The following NUCB2 variants were observed in gnomAD, a reference collection of about 807,000 sequenced individuals.
NUCB2 encodes nucleobindin 2, also known as nucleobindin-2.
In NUCB2, 48 loss-of-function variants were observed where a neutral mutation model predicts 57.9. That is an observed-to-expected ratio of 0.83 (90% CI 0.66 to 1.05). The LOEUF is 1.05. NUCB2 is among the 50% of genes least tolerant of loss of function. NUCB2 has a pLI of 0.00. For synonymous variants in NUCB2, 139 were observed against 152.1 expected, an observed-to-expected ratio of 0.91 and a Z score of 0.64; for missense variants, 442 against 476.2, an observed-to-expected ratio of 0.93 and a Z score of 0.67.
chr11:17,307,197 C>T (rs570505874), intron 5 of NUCB2, among the ~76,000 whole-genome samples: 57 of 152,234 alleles, frequency 3.7e-4, no homozygotes, highest in African/African-American at 1.3e-3. Context: ...AGCCACTGTG[C>T]CTGGCCCATT....
chr11:17,306,269 T>C (rs1339857011), intron 5 of NUCB2, among the ~76,000 whole-genome samples: 1 of 152,146 alleles, frequency 6.6e-6, no homozygotes, highest in African/African-American at 2.4e-5. Flanking sequence ...GGAATAGTGG[T>C]TCTAAAACTT....
intron 2 of NUCB2, among the ~76,000 whole-genome samples, chr11:17,340,398 G>T (rs1452206174): frequency 2.0e-5 from 3 of 152,092 alleles, no homozygotes; most frequent in Non-Finnish European, 4.4e-5. Context: ...CATTGCTTTT[G>T]GTGTTTTAGA....
At chr11:17,301,895 T>C in intron 5 of NUCB2, 25 bp downstream of exon 5, 1 of 1,479,860 alleles carries the variant, frequency 6.8e-7, no homozygotes, top group Non-Finnish European at 9.2e-7. Context: ...AAAGGTAGGA[T>C]TTTTTTTTTC....
At chr11:17,324,916 C>T (rs989919923) in intron 11 of NUCB2, among the ~76,000 whole-genome samples, 6 of 152,076 alleles carry the variant, frequency 3.9e-5, no homozygotes, top group Non-Finnish European at 5.9e-5. Flanking sequence ...ATTCTCCTGC[C>T]TCAGCCTCCT....
At chr11:17,301,068 G>A (rs1223037059) in intron 4 of NUCB2, among the ~76,000 whole-genome samples, 1 of 150,468 alleles carries the variant, frequency 6.6e-6, no homozygotes, top group Admixed American at 6.6e-5. Context: ...CGCCTCCTGG[G>A]TTCAAGCAAT....
intron 1 of NUCB2, among the ~76,000 whole-genome samples, chr11:17,277,503 GAAGGA>G (rs1941577895): frequency 6.6e-6 from 1 of 152,102 alleles, no homozygotes; most frequent in African/African-American, 2.4e-5. Flanking sequence ...GGGAGGGAAA[GAAGGA>G]GAGAGAGAGA....
chr11:17,330,885 C>A lies in NUCB2; in HGVS notation c.1174-17C>A, dbSNP rs745434543. On this transcript the variant is annotated splice_polypyrimidine_tract_variant and intron_variant, in intron 12 of 13. Transcript: ENST00000529010. The surrounding 1 kb of genome is among the most constrained non-coding windows in gnomAD (Gnocchi z 4.3). ...AAAATCAAGTTATACTTTTAACTTTCATTTTCCATTCACCAGGTCATACAG... is the reference window on the plus strand; with the variant it reads ...AAAATCAAGTTATACTTTTAACTTTAATTTTCCATTCACCAGGTCATACAG... The A allele has an allele frequency of 2.7e-6, 4 of 1,475,434 alleles. No individual in the cohort carries two copies. In the East Asian group the frequency reaches 6.8e-5, roughly 25 times the overall value. The allele number at this position is 1,475,434 out of a possible 1,614,324, so 91.4% of individuals were successfully genotyped here.
At chr11:17,277,786 G>A (rs529565493) in intron 1 of NUCB2, among the ~76,000 whole-genome samples, 1 of 152,240 alleles carries the variant, frequency 6.6e-6, no homozygotes, top group African/African-American at 2.4e-5. Context: ...GGGAGATTGT[G>A]GACTTTCCCT....
rs76466047 is a variant in NUCB2 at position 17,304,715 on chromosome 11, C to T, written c.379+2845C>T. Among the ~76,000 whole-genome samples the T allele has an allele frequency of 8.9e-3, 1,361 of 152,096 alleles. 20 individuals carry two copies. Among genetic ancestry groups the T allele is most frequent in the African/African-American group, 0.029 (1,219 of 41,498 alleles). ...TAGAAATCAATATTTTCCATATGTA[C>T]GTAACAGCCAGTTAGAAGACAGAAT... On this transcript the variant is annotated intron_variant, in intron 5 of 13. Coordinates refer to ENST00000529010, the MANE Select transcript of NUCB2 (RefSeq NM_005013.4).
At chr11:17,290,936 A>G (rs1258643959) in intron 2 of NUCB2, among the ~76,000 whole-genome samples, 1 of 152,102 alleles carries the variant, frequency 6.6e-6, no homozygotes, top group African/African-American at 2.4e-5. Context: ...ATATCATACA[A>G]TTCTCTCTTT....
chr11:17,330,202 G>T lies in NUCB2; in HGVS notation c.1078G>T (p.Glu360Ter). Reference sequence around the variant, plus strand: ...AAATATTATTGCTTTACAAGAAAATGAACTTAAGAAGAAGGCAGATGAGCT... The same window carrying T: ...AAATATTATTGCTTTACAAGAAAATTAACTTAAGAAGAAGGCAGATGAGCT... ...YENIIALQENELKKKADELQK... is the reference protein window; with the variant it reads ...YENIIALQEN The change falls in exon 12 of 14, where the codon GAA becomes TAA. Residue 360 changes from glutamate (E) to a stop codon, truncating the protein, a stop_gained. Transcript: ENST00000529010. LOFTEE classifies it high-confidence loss of function. The surrounding 1 kb of genome is among the most constrained non-coding windows in gnomAD (Gnocchi z 4.3). 6.2e-7 allele frequency: 1 copy of T among 1,604,346 alleles called. No homozygotes were observed. The highest frequency in any genetic ancestry group is 8.5e-7 in the Non-Finnish European group (1 of 1,172,664).
At chr11:17,298,670 A>G (rs2138518780) in intron 4 of NUCB2, among the ~76,000 whole-genome samples, 1 of 152,060 alleles carries the variant, frequency 6.6e-6, no homozygotes, top group South Asian at 2.1e-4. Flanking sequence ...TAAAAAACTG[A>G]CAAAAAAAAA....
At chr11:17,288,549 C>CTTTTTTT (rs752336919) in intron 2 of NUCB2, among the ~76,000 whole-genome samples, 965 of 75,458 alleles carry the variant, frequency 0.013, 7 homozygotes, top group Middle Eastern at 0.024. Context: ...TCTTCTTCTT[C>CTTTTTTT]TTCTTTTTTT....
chr11:17,340,453 G>C (rs1429997216), intron 2 of NUCB2, among the ~76,000 whole-genome samples: 2 of 152,072 alleles, frequency 1.3e-5, no homozygotes, highest in Non-Finnish European at 2.9e-5. Flanking sequence ...GTATTGCCTA[G>C]GTTTTCTTCT....
chr11:17,307,651 C>T (rs1398259448), intron 5 of NUCB2, among the ~76,000 whole-genome samples: 1 of 152,042 alleles, frequency 6.6e-6, no homozygotes, highest in Non-Finnish European at 1.5e-5. Context: ...CATAGAACTC[C>T]ATTATATGGA....
intron 2 of NUCB2, among the ~76,000 whole-genome samples, chr11:17,347,424 GTA>G (rs1952832166): frequency 6.6e-6 from 1 of 152,106 alleles, no homozygotes; most frequent in African/African-American, 2.4e-5. Flanking sequence ...ACAAATTCTA[GTA>G]TACCTTGCTT....
intron 2 of NUCB2, among the ~76,000 whole-genome samples, chr11:17,290,196 A>C (rs893625407): frequency 1.3e-5 from 2 of 152,224 alleles, no homozygotes; most frequent in African/African-American, 4.8e-5. Flanking sequence ...TTGCTTCACT[A>C]ACATCAGCTG....
At chr11:17,282,258 ATT>A (rs71047540) in intron 1 of NUCB2, among the ~76,000 whole-genome samples, 2,376 of 102,966 alleles carry the variant, frequency 0.023, 39 homozygotes, top group East Asian at 0.098. Flanking sequence ...ATATATATAT[ATT>A]TTTTTTTTTT....
intron 2 of NUCB2, among the ~76,000 whole-genome samples, chr11:17,346,646 C>A (rs1206836597): frequency 6.6e-6 from 1 of 152,176 alleles, no homozygotes; most frequent in Non-Finnish European, 1.5e-5. Flanking sequence ...AGCTGCCCAA[C>A]TTTAAATAAT....
Sources: gnomAD v4.1 joint callset for allele counts (sites outside exome capture counted in the v4.1 genomes callset) on GRCh38, gnomAD v4.1.1 for gene constraint, Gnocchi (gnomAD v3.1) non-coding constraint, MANE v1.5 for transcripts, NCBI Gene and HGNC (gene_info 2026-07-23, HGNC 2026-07-21) for gene names.